The following TMEM132D variants were observed in gnomAD, a reference collection of about 807,000 sequenced individuals.
The protein encoded by TMEM132D is transmembrane protein 132D, also known as mature OL transmembrane protein.
In TMEM132D, 21 loss-of-function variants were observed where a neutral mutation model predicts 62.3. That is an observed-to-expected ratio of 0.34 (90% CI 0.24 to 0.49). The LOEUF is 0.49. Ranked by LOEUF, TMEM132D falls within the 20% of genes least tolerant of loss-of-function variation. TMEM132D has a pLI of 0.99. For missense variants in TMEM132D, 1,346 were observed against 1,402.8 expected, an observed-to-expected ratio of 0.96 and a Z score of 0.65; for synonymous variants, 621 against 575.6, an observed-to-expected ratio of 1.08 and a Z score of -1.13.
intron 1 of TMEM132D, among the ~76,000 whole-genome samples, chr12:129,770,140 GTTGT>G (rs1285842918): frequency 1.1e-4 from 11 of 104,310 alleles, no homozygotes; most frequent in Non-Finnish European, 1.7e-4. Context: ...GGTTTTTTTG[GTTGT>G]TTTTTTTTTT....
chr12:129,837,167 G>A (rs1873032572), intron 1 of TMEM132D, among the ~76,000 whole-genome samples: 2 of 152,154 alleles, frequency 1.3e-5, no homozygotes, highest in South Asian at 2.1e-4. Context: ...TGTTACCCAA[G>A]TCTAGTAATT....
chr12:129,296,225 C>G (rs1881572245), intron 4 of TMEM132D, among the ~76,000 whole-genome samples: 1 of 152,188 alleles, frequency 6.6e-6, no homozygotes, highest in African/African-American at 2.4e-5. Flanking sequence ...CTAGCTTGAA[C>G]AACACTCTTC....
intron 3 of TMEM132D, among the ~76,000 whole-genome samples, chr12:129,421,205 C>A (rs1177253847): frequency 6.6e-6 from 1 of 152,088 alleles, no homozygotes; most frequent in Non-Finnish European, 1.5e-5. Flanking sequence ...TCAAATGATC[C>A]GCCTGCCTCA....
chr12:129,335,127 C>CTT (rs386378228), intron 4 of TMEM132D, among the ~76,000 whole-genome samples: 5,491 of 104,484 alleles, frequency 0.053, 399 homozygotes, highest in Non-Finnish European at 0.068. Flanking sequence ...CTAATAAGTA[C>CTT]TTTTTTTTTT....
intron 4 of TMEM132D, among the ~76,000 whole-genome samples, chr12:129,298,856 G>A (rs1007630883): frequency 8.5e-5 from 13 of 152,218 alleles, no homozygotes; most frequent in East Asian, 3.9e-4. Flanking sequence ...AGATGGCCCC[G>A]TCAAAGGCTC....
chr12:129,367,768 ATTTCT>A (rs1400401888), intron 3 of TMEM132D, among the ~76,000 whole-genome samples: 12 of 126,358 alleles, frequency 9.5e-5, no homozygotes, highest in African/African-American at 3.8e-4. Flanking sequence ...TTCTTTTTCC[ATTTCT>A]TTTCTTTTTT....
At chr12:129,393,139 T>C (rs781088178) in intron 3 of TMEM132D, among the ~76,000 whole-genome samples, 8 of 152,240 alleles carry the variant, frequency 5.3e-5, no homozygotes, top group Non-Finnish European at 7.3e-5. Flanking sequence ...CCACACTCTG[T>C]AGGCCAGTCA....
intron 1 of TMEM132D, among the ~76,000 whole-genome samples, chr12:129,747,687 GCACT>G (rs771944048): frequency 4.9e-5 from 7 of 142,358 alleles, no homozygotes; most frequent in Non-Finnish European, 9.1e-5. Flanking sequence ...ACACAGACAT[GCACT>G]CAGACACACT....
chr12:129,624,659 C>T (rs1273174808), intron 2 of TMEM132D, among the ~76,000 whole-genome samples: 1 of 152,286 alleles, frequency 6.6e-6, no homozygotes, highest in South Asian at 2.1e-4. Flanking sequence ...GATCTCCTGC[C>T]AGTGCCTCCC....
At chr12:129,682,645 G>A (rs538538296) in intron 2 of TMEM132D, among the ~76,000 whole-genome samples, 98 of 152,068 alleles carry the variant, frequency 6.4e-4, no homozygotes, top group South Asian at 1.9e-3. Flanking sequence ...GGATCACGAG[G>A]TCAGGAGATC....
intron 2 of TMEM132D, among the ~76,000 whole-genome samples, chr12:129,578,038 A>G (rs1252805621): frequency 6.6e-6 from 1 of 152,090 alleles, no homozygotes; most frequent in Non-Finnish European, 1.5e-5. Context: ...CGAAGGGTCC[A>G]TTTTCTCTCT....
At chr12:129,361,943 ATAGAT>A (rs1241875880) in intron 3 of TMEM132D, among the ~76,000 whole-genome samples, 1 of 152,206 alleles carries the variant, frequency 6.6e-6, no homozygotes, top group Non-Finnish European at 1.5e-5. Flanking sequence ...TGATGAAGAC[ATAGAT>A]TACTTTTTCA....
rs544355135 is a variant in TMEM132D, at chr12:129,269,590, G to T, written c.1300-59927C>A. On this transcript the variant is annotated intron_variant, in intron 4 of 8. Transcript: ENST00000422113. ...GATGTGAGGTACGTTCACGGAGGCC[G>T]TGGTAGTGAGAGACAGAACTGGGAG... is the stretch of plus-strand genomic sequence containing the variant. Among the ~76,000 whole-genome samples the T allele has an allele frequency of 4.6e-5, 7 of 152,272 alleles. No individual in the cohort carries two copies. In the South Asian group the frequency reaches 1.5e-3, roughly 32 times the overall value.
intron 4 of TMEM132D, among the ~76,000 whole-genome samples, chr12:129,285,539 A>AAAAGAG (rs56018646): frequency 1.1e-5 from 1 of 90,030 alleles, no homozygotes; most frequent in African/African-American, 3.9e-5. Flanking sequence ...AAAAAAAAAA[A>AAAAGAG]AGAGAGAGAG....
At chr12:129,756,957 T>A (rs1870187935) in intron 1 of TMEM132D, among the ~76,000 whole-genome samples, 1 of 152,172 alleles carries the variant, frequency 6.6e-6, no homozygotes, top group Admixed American at 6.5e-5. Flanking sequence ...TCTCCCTCCC[T>A]CTTCCTGTTA....
intron 5 of TMEM132D, among the ~76,000 whole-genome samples, chr12:129,145,681 T>A (rs1039015696): frequency 1.3e-5 from 2 of 152,114 alleles, no homozygotes; most frequent in African/African-American, 4.8e-5. Flanking sequence ...CTTTTCCATT[T>A]TTGTGTTACC....
intron 5 of TMEM132D, among the ~76,000 whole-genome samples, chr12:129,097,644 A>G (rs1875158020): frequency 6.6e-6 from 1 of 152,218 alleles, no homozygotes; most frequent in East Asian, 1.9e-4. Flanking sequence ...AAACTCATGG[A>G]GAAATGTTTG....
intron 1 of TMEM132D, among the ~76,000 whole-genome samples, chr12:129,775,469 G>A (rs1002164406): frequency 7.2e-5 from 11 of 152,112 alleles, no homozygotes; most frequent in African/African-American, 2.4e-4. Context: ...AGTACAAATC[G>A]CCCCTGTTCA....
At chr12:129,483,253 AAT>A (rs1874482505) in intron 3 of TMEM132D, among the ~76,000 whole-genome samples, 1 of 152,144 alleles carries the variant, frequency 6.6e-6, no homozygotes, top group Non-Finnish European at 1.5e-5. Context: ...TCTTTTGTCT[AAT>A]ACTGTGGTTC....
Sources: gnomAD v4.1 joint callset for allele counts (sites outside exome capture counted in the v4.1 genomes callset) on GRCh38, gnomAD v4.1.1 for gene constraint, MANE v1.5 for transcripts, NCBI Gene and HGNC (gene_info 2026-07-23, HGNC 2026-07-21) for gene names.